The following CLVS1 variants were observed in gnomAD, a reference collection of about 807,000 sequenced individuals.
CLVS1 encodes the protein clavesin 1, also known as clavesin-1.
A neutral mutation model predicts 33.1 loss-of-function variants in CLVS1; 10 were observed. The observed-to-expected ratio is 0.30, with a 90% confidence interval of 0.19 to 0.51. CLVS1 has a LOEUF of 0.51. CLVS1 is among the 20% of genes least tolerant of loss of function. The pLI is 0.97. For synonymous variants in CLVS1, 163 were observed against 166.1 expected (o/e 0.98, Z 0.14); for missense variants, 343 against 433.4 (o/e 0.79, Z 1.85).
At position 61,403,028 on chromosome 8, in the gene CLVS1, A is replaced by G. The variant is rs543483062; in HGVS notation, c.630+26249A>G. Among the ~76,000 whole-genome samples the G allele has an allele frequency of 3.3e-5, 5 of 152,322 alleles. No individual in the cohort carries two copies. In the South Asian group the frequency reaches 1.0e-3, roughly 32 times the overall value. On this transcript the variant is annotated intron_variant, in intron 3 of 5. Transcript: ENST00000325897. The stretch of plus-strand genomic sequence containing the variant: ...AAAAAAACAGGTTAGGGTGATTGAA[A>G]CTACTAGGGTATGAATAAGAGTGGG...
At chr8:61,055,659 C>T (rs970286268), upstream of CLVS1, among the ~76,000 whole-genome samples, 1 of 152,208 alleles carries the variant, frequency 6.6e-6, no homozygotes, top group Non-Finnish European at 1.5e-5. Context: ...AGCAGACAGG[C>T]CTTCCCTTCT....
intron 2 of CLVS1, among the ~76,000 whole-genome samples, chr8:61,236,575 G>A (rs541956460): frequency 1.9e-4 from 29 of 152,266 alleles, no homozygotes; most frequent in African/African-American, 6.7e-4. Context: ...TACAAATGCA[G>A]CAGCAGCAGC....
At chr8:61,275,230 C>G (rs28689015) in intron 2 of CLVS1, among the ~76,000 whole-genome samples, 13,399 of 152,026 alleles carry the variant, frequency 0.088, 893 homozygotes, top group Non-Finnish European at 0.12. Flanking sequence ...ACAAACTGAT[C>G]TTCAGTCTAC....
chr8:61,437,894 A>G (rs1816395189), intron 3 of CLVS1, among the ~76,000 whole-genome samples: 2 of 152,250 alleles, frequency 1.3e-5, no homozygotes, highest in Admixed American at 1.3e-4. Flanking sequence ...TGTAGAATTT[A>G]AATAAGCCAA....
the CLVS1 span, among the ~76,000 whole-genome samples, chr8:61,030,148 G>T: frequency 5.3e-5 from 8 of 152,210 alleles, no homozygotes; most frequent in Non-Finnish European, 1.0e-4. Context: ...AGCCTCACTG[G>T]TAAGGCTCTG....
chr8:61,330,849 G>C (rs2129597191), intron 2 of CLVS1, among the ~76,000 whole-genome samples: 1 of 152,116 alleles, frequency 6.6e-6, no homozygotes, highest in South Asian at 2.1e-4. Context: ...CAGCACTGTG[G>C]GGGGCTAAGC....
chr8:61,489,203 G>A (rs1022164274), intron 5 of CLVS1, among the ~76,000 whole-genome samples: 6 of 152,172 alleles, frequency 3.9e-5, no homozygotes, highest in African/African-American at 1.4e-4. Flanking sequence ...GCTGATTAAT[G>A]TAAACTATTG....
At chr8:60,976,379 A>G in the CLVS1 span, among the ~76,000 whole-genome samples, 1 of 150,254 alleles carries the variant, frequency 6.7e-6, no homozygotes, top group Non-Finnish European at 1.5e-5. Flanking sequence ...TTTTTTAGAG[A>G]CAAGTTCTCA....
chr8:61,477,131 A>T (rs1031964039), intron 5 of CLVS1, among the ~76,000 whole-genome samples: 2 of 152,224 alleles, frequency 1.3e-5, no homozygotes, highest in Non-Finnish European at 2.9e-5. Flanking sequence ...CCAGCCTTGC[A>T]TCCCACGGAT....
intron 2 of CLVS1, among the ~76,000 whole-genome samples, chr8:61,241,984 G>T (rs1585715827): frequency 1.3e-5 from 2 of 151,866 alleles, no homozygotes; most frequent in East Asian, 3.9e-4. Context: ...AGTCTCTGTG[G>T]TCTCTATTTT....
At chr8:61,152,355 C>A (rs977875034) in intron 2 of CLVS1, among the ~76,000 whole-genome samples, 2 of 152,170 alleles carry the variant, frequency 1.3e-5, no homozygotes, top group African/African-American at 4.8e-5. Context: ...CTAACTACCT[C>A]CTGTCTCAGC....
In CLVS1 at chr8:61,237,829, GGGTTC is replaced by G. The variant is rs1283149597; in HGVS notation, c.-151-61847_-151-61843del. On this transcript the variant is annotated intron_variant, in intron 2 of 2. Coordinates refer to the CLVS1 transcript ENST00000522621. ...CCTTTTGTTTTCTCCAAATCCACGG[GGGTTC>G]AGAGACACAGGGAGCCCAGAGGATG... Among the ~76,000 whole-genome samples the G allele has an allele frequency of 9.9e-5, 15 of 150,864 alleles. No homozygotes were observed. The East Asian group carries it at 2.8e-3, about 28-fold the overall frequency.
intron 3 of CLVS1, among the ~76,000 whole-genome samples, chr8:61,416,500 T>G (rs1006866732): frequency 6.6e-6 from 1 of 152,218 alleles, no homozygotes; most frequent in Non-Finnish European, 1.5e-5. Context: ...GAAACACTGA[T>G]GTAAAACACC....
chr8:61,157,863 A>C (rs1806680178), intron 2 of CLVS1, among the ~76,000 whole-genome samples: 1 of 152,202 alleles, frequency 6.6e-6, no homozygotes, highest in African/African-American at 2.4e-5. Flanking sequence ...ATAATGGCTA[A>C]AATGAGAAAG....
chr8:61,097,012 T>C (rs1805363327), intron 1 of CLVS1, among the ~76,000 whole-genome samples: 1 of 152,166 alleles, frequency 6.6e-6, no homozygotes, highest in Non-Finnish European at 1.5e-5. Flanking sequence ...AGACATCAAC[T>C]TGAGTAGCAA....
intron 5 of CLVS1, among the ~76,000 whole-genome samples, chr8:61,466,699 G>A (rs1300903077): frequency 6.6e-6 from 1 of 152,130 alleles, no homozygotes; most frequent in Non-Finnish European, 1.5e-5. Flanking sequence ...CCAGGCTGGA[G>A]TGCAGTGGCA....
intron 2 of CLVS1, among the ~76,000 whole-genome samples, chr8:61,236,027 G>A (rs192946982): frequency 6.6e-6 from 1 of 152,076 alleles, no homozygotes; most frequent in African/African-American, 2.4e-5. Context: ...TTGCTGTGAG[G>A]GTCCTTTGTG....
intron 2 of CLVS1, among the ~76,000 whole-genome samples, chr8:61,275,049 C>T (rs1352467352): frequency 6.6e-6 from 1 of 151,398 alleles, no homozygotes; most frequent in Non-Finnish European, 1.5e-5. Context: ...TGACTTCAAG[C>T]CAAAAATTAA....
At chr8:61,279,261 C>A (rs925843164) in intron 2 of CLVS1, among the ~76,000 whole-genome samples, 2 of 152,214 alleles carry the variant, frequency 1.3e-5, no homozygotes. Context: ...TCCAGCTTCC[C>A]ATCAGGCAGT....
Sources: gnomAD v4.1 joint callset for allele counts (sites outside exome capture counted in the v4.1 genomes callset) on GRCh38, gnomAD v4.1.1 for gene constraint, MANE v1.5 for transcripts, NCBI Gene and HGNC (gene_info 2026-07-23, HGNC 2026-07-21) for gene names.